Variants in KCNQ3 observed in about 807,000 individuals in gnomAD.
The protein encoded by KCNQ3 is potassium voltage-gated channel subfamily Q member 3, also known as potassium voltage-gated channel subfamily KQT member 3.
In KCNQ3, 30 loss-of-function variants were observed where a neutral mutation model predicts 92.5. The ratio of observed to expected loss-of-function variants is 0.32; its 90% CI spans 0.24 to 0.44. The LOEUF is 0.44. Ranked by LOEUF, KCNQ3 falls within the 20% of genes least tolerant of loss-of-function variation. KCNQ3 has a pLI of 1.00. For synonymous variants in KCNQ3, 450 were observed against 468.8 expected, an observed-to-expected ratio of 0.96 and a Z score of 0.52; for missense variants, 913 against 1,140.3, an observed-to-expected ratio of 0.80 and a Z score of 2.87.
At chr8:132,416,024 C>T (rs1038028665) in intron 1 of KCNQ3, among the ~76,000 whole-genome samples, 8 of 152,176 alleles carry the variant, frequency 5.3e-5, no homozygotes, top group African/African-American at 1.9e-4. Context: ...TGACTCACCC[C>T]AGGCCACAGT....
chr8:132,196,083 C>T (rs1384295676), intron 1 of KCNQ3, among the ~76,000 whole-genome samples: 2 of 152,138 alleles, frequency 1.3e-5, no homozygotes, highest in African/African-American at 2.4e-5. Flanking sequence ...TTCTTTCTCC[C>T]TCCAGTCACA....
chr8:132,210,999 A>G lies in KCNQ3; in HGVS notation c.387-24818T>C, dbSNP rs564512356. Among the ~76,000 whole-genome samples the G allele has an allele frequency of 3.3e-5, 5 of 152,320 alleles. 1 individual carries two copies. Among genetic ancestry groups the G allele is most frequent in the African/African-American group, 1.2e-4 (5 of 41,580 alleles). ...CACTTTTGCATACCTTCCCATAGCA[A>G]AGAGCATTGGGTCTCCCTCTGGGCC... On this transcript the variant is annotated intron_variant, in intron 1 of 14. Transcript: ENST00000388996.
chr8:132,325,870 A>G (rs577208286), intron 1 of KCNQ3, among the ~76,000 whole-genome samples: 138 of 152,354 alleles, frequency 9.1e-4, no homozygotes, highest in Non-Finnish European at 1.4e-3. Flanking sequence ...TGGAGAGAAC[A>G]GGATCATGAG....
intron 1 of KCNQ3, among the ~76,000 whole-genome samples, chr8:132,202,337 C>A (rs1404719407): frequency 6.6e-6 from 1 of 152,182 alleles, no homozygotes; most frequent in African/African-American, 2.4e-5. Flanking sequence ...ATATTAATAT[C>A]TTTATCAAAC....
intron 1 of KCNQ3, among the ~76,000 whole-genome samples, chr8:132,445,152 G>C (rs908842883): frequency 6.6e-6 from 1 of 152,174 alleles, no homozygotes; most frequent in Non-Finnish European, 1.5e-5. Context: ...GTCATGAAAA[G>C]GGGTGGACTG....
chr8:132,405,166 G>T (rs933194849), intron 1 of KCNQ3, among the ~76,000 whole-genome samples: 12 of 152,202 alleles, frequency 7.9e-5, no homozygotes, highest in Admixed American at 2.0e-4. Flanking sequence ...CTGCCACTGG[G>T]CAAGATTTCA....
At chr8:132,284,498 T>A (rs973031058) in intron 1 of KCNQ3, among the ~76,000 whole-genome samples, 4 of 151,836 alleles carry the variant, frequency 2.6e-5, no homozygotes, top group African/African-American at 9.7e-5. Flanking sequence ...ATTTTTTTTT[T>A]ATCTACTCTT....
In KCNQ3 at chr8:132,122,871, A is replaced by G. The variant is rs1824529426; in HGVS notation, c.*6391T>C. 1 of 152,176 alleles carries G rather than the reference A, an allele frequency of 6.6e-6. No homozygotes were observed. The highest frequency in any genetic ancestry group is 6.5e-5 in the Admixed American group (1 of 15,280). The allele number at this position is 152,176 out of a possible 1,614,324, so 9.4% of individuals were successfully genotyped here. On this transcript the variant is annotated 3_prime_UTR_variant, in exon 15 of 15. Coordinates refer to ENST00000388996, the MANE Select transcript of KCNQ3 (RefSeq NM_004519.4). ...GCCAACAGAGGCCTGTTTACTTCCT[A>G]AAATAATCTCTTAGTTACATAACCA... is the stretch of plus-strand genomic sequence containing the variant.
rs1051037410 is a variant in KCNQ3 at position 132,375,898 on chromosome 8, C to T, written c.386+104249G>A. Among the ~76,000 whole-genome samples, 6 of 152,160 alleles carry T rather than the reference C, an allele frequency of 3.9e-5. No individual in the cohort carries two copies. The East Asian group carries it at 7.7e-4, about 20-fold the overall frequency. On this transcript the variant is annotated intron_variant, in intron 1 of 14. Transcript: ENST00000388996. ...CCTTACGCTCTCTTCGCATGTCATT[C>T]GTCATGCTAGCATTCACCACTCTGG...
chr8:132,435,162 C>G (rs1159535704), intron 1 of KCNQ3, among the ~76,000 whole-genome samples: 1 of 152,214 alleles, frequency 6.6e-6, no homozygotes, highest in African/African-American at 2.4e-5. Context: ...GTTCAAGGAG[C>G]ATGCCCAGGA....
intron 1 of KCNQ3, among the ~76,000 whole-genome samples, chr8:132,314,813 T>C (rs1337137226): frequency 6.6e-6 from 1 of 152,200 alleles, no homozygotes; most frequent in Admixed American, 6.5e-5. Flanking sequence ...GGTTATGATG[T>C]TTGAGAGAAG....
intron 1 of KCNQ3, among the ~76,000 whole-genome samples, chr8:132,463,457 G>A (rs1395166590): frequency 1.3e-5 from 2 of 152,140 alleles, no homozygotes; most frequent in Non-Finnish European, 2.9e-5. Flanking sequence ...AAAGAAATCC[G>A]CTAGTTTCTC....
At chr8:132,394,611 G>T (rs1255556629) in intron 1 of KCNQ3, among the ~76,000 whole-genome samples, 1 of 152,096 alleles carries the variant, frequency 6.6e-6, no homozygotes, top group Non-Finnish European at 1.5e-5. Context: ...AGAGATCTAC[G>T]AGTGAAAGTG....
intron 1 of KCNQ3, among the ~76,000 whole-genome samples, chr8:132,331,369 AC>A (rs916244943): frequency 1.3e-5 from 2 of 152,134 alleles, no homozygotes; most frequent in African/African-American, 4.8e-5. Flanking sequence ...CAGGAGGATC[AC>A]CCTTGAGGGC....
intron 1 of KCNQ3, among the ~76,000 whole-genome samples, chr8:132,380,200 G>A (rs562170487): frequency 2.1e-4 from 32 of 152,266 alleles, no homozygotes; most frequent in African/African-American, 7.2e-4. Context: ...GTACAGAAGT[G>A]AAACCACTTG....
At chr8:132,184,518 G>T in intron 2 of KCNQ3, 151 bp from the exon 3 acceptor site, 1 of 795,898 alleles carries the variant, frequency 1.3e-6, no homozygotes, top group East Asian at 2.6e-5. Context: ...GGGTGGGGAA[G>T]GGGAACCGGG....
intron 1 of KCNQ3, among the ~76,000 whole-genome samples, chr8:132,331,194 C>G (rs900725604): frequency 6.6e-6 from 1 of 152,188 alleles, no homozygotes; most frequent in Non-Finnish European, 1.5e-5. Context: ...TAACAGCTCT[C>G]TCTGTACACT....
intron 9 of KCNQ3, among the ~76,000 whole-genome samples, chr8:132,148,875 G>C (rs1031865497): frequency 1.3e-5 from 2 of 152,176 alleles, no homozygotes; most frequent in African/African-American, 4.8e-5. Context: ...TAAACTGCTG[G>C]CTTTCCTGGT....
At chr8:132,325,380 GAA>G (rs1818016211) in intron 1 of KCNQ3, among the ~76,000 whole-genome samples, 1 of 152,170 alleles carries the variant, frequency 6.6e-6, no homozygotes, top group Admixed American at 6.5e-5. Context: ...CCACACCTGA[GAA>G]AAGAGACGAC....
Sources: allele counts gnomAD v4.1 joint callset (sites outside exome capture counted in the v4.1 genomes callset), GRCh38; gene constraint gnomAD v4.1.1; transcripts MANE v1.5; gene names NCBI Gene and HGNC (gene_info 2026-07-23, HGNC 2026-07-21).